The following RBFOX1 variants were observed in gnomAD, a reference collection of about 807,000 sequenced individuals.
RBFOX1 encodes the protein RNA binding protein fox-1 homolog 1.
A neutral mutation model predicts 57.7 loss-of-function variants in RBFOX1; 8 were observed. That is an observed-to-expected ratio of 0.14 (90% CI 0.08 to 0.25). The LOEUF (loss-of-function observed/expected upper bound fraction) is 0.25. Among genes scored for constraint, RBFOX1 ranks in the 10% least tolerant of loss-of-function variants. The pLI, the probability that RBFOX1 is intolerant of heterozygous loss-of-function variation, is 1.00. For missense variants in RBFOX1, 611 were observed against 548.5 expected (o/e 1.11, Z -1.14); for synonymous variants, 326 against 222.4 (o/e 1.47, Z -4.15).
At chr16:5,977,891 GT>G (rs1203526261) in intron 4 of RBFOX1, among the ~76,000 whole-genome samples, 10 of 151,906 alleles carry the variant, frequency 6.6e-5, no homozygotes, top group Non-Finnish European at 1.5e-4. Flanking sequence ...GGCTTAGACA[GT>G]TTTTTTGACT....
intron 2 of RBFOX1, among the ~76,000 whole-genome samples, chr16:5,580,671 C>T (rs1039881606): frequency 2.0e-5 from 3 of 152,158 alleles, no homozygotes; most frequent in Non-Finnish European, 4.4e-5. Context: ...GGAGAGGATG[C>T]AAACGTTACC....
rs75096256 is a variant in RBFOX1 at position 5,934,772 on chromosome 16, G to A, written c.351+67437G>A. Among the ~76,000 whole-genome samples the A allele has an allele frequency of 1.5e-3, 235 of 152,314 alleles. 4 individuals are homozygous for A. In the East Asian group the frequency reaches 0.04, roughly 26 times the overall value. ...AATTAATGTGGGGGACTGACCCACA[G>A]ACCAAGGCTGCACGATGGATGAATA... On this transcript the variant is annotated intron_variant, in intron 4 of 19. Coordinates refer to the RBFOX1 transcript ENST00000641259.
At chr16:7,590,559 G>T (rs556127137) in intron 7 of RBFOX1, among the ~76,000 whole-genome samples, 1 of 151,908 alleles carries the variant, frequency 6.6e-6, no homozygotes, top group Non-Finnish European at 1.5e-5. Flanking sequence ...TACTCCCTAC[G>T]TATATACTTA....
intron 3 of RBFOX1, among the ~76,000 whole-genome samples, chr16:5,855,931 A>G (rs1463380566): frequency 7.0e-6 from 1 of 142,742 alleles, no homozygotes; most frequent in Non-Finnish European, 1.5e-5. Context: ...TTTAATGTAC[A>G]CGTCTTTCAA....
At chr16:5,554,966 G>A (rs955696345) in intron 2 of RBFOX1, among the ~76,000 whole-genome samples, 2 of 152,188 alleles carry the variant, frequency 1.3e-5, no homozygotes, top group African/African-American at 2.4e-5. Context: ...CATGGGGCTT[G>A]AATGGTGTTA....
intron 2 of RBFOX1, among the ~76,000 whole-genome samples, chr16:6,410,848 G>A (rs966782576): frequency 3.9e-5 from 6 of 152,150 alleles, no homozygotes; most frequent in Non-Finnish European, 8.8e-5. Flanking sequence ...GCACCATTCG[G>A]CATAAGTCAC....
At chr16:6,023,298 C>G (rs1166557870) in intron 1 of RBFOX1, among the ~76,000 whole-genome samples, 1 of 151,404 alleles carries the variant, frequency 6.6e-6, no homozygotes, top group African/African-American at 2.4e-5. Context: ...GAACCTGCTC[C>G]TGTAAGGTTT....
chr16:6,720,055 C>G (rs1441464844), intron 3 of RBFOX1, among the ~76,000 whole-genome samples: 1 of 151,960 alleles, frequency 6.6e-6, no homozygotes, highest in Non-Finnish European at 1.5e-5. Flanking sequence ...GATCATGCCA[C>G]TGCACTACAC....
chr16:6,642,828 A>G (rs1049234066), intron 2 of RBFOX1, among the ~76,000 whole-genome samples: 3 of 152,108 alleles, frequency 2.0e-5, no homozygotes, highest in Non-Finnish European at 2.9e-5. Context: ...GATTCCTCCA[A>G]ATGTTTATAA....
intron 2 of RBFOX1, among the ~76,000 whole-genome samples, chr16:6,639,335 G>T (rs889650899): frequency 2.0e-5 from 3 of 152,092 alleles, no homozygotes; most frequent in Non-Finnish European, 2.9e-5. Flanking sequence ...TGTAGTGCTA[G>T]GATCTTTACA....
intron 3 of RBFOX1, among the ~76,000 whole-genome samples, chr16:6,776,726 T>G (rs1206649328): frequency 1.3e-5 from 2 of 152,224 alleles, no homozygotes; most frequent in East Asian, 3.9e-4. Flanking sequence ...TGCTTTGCTG[T>G]GACTGAGCCA....
chr16:6,583,997 C>T (rs1026368197), intron 2 of RBFOX1, among the ~76,000 whole-genome samples: 2 of 117,044 alleles, frequency 1.7e-5, no homozygotes, highest in African/African-American at 2.7e-5. Flanking sequence ...ACGACAACAA[C>T]ATTTAAAAAA....
chr16:6,674,963 T>A (rs888500283), intron 3 of RBFOX1, among the ~76,000 whole-genome samples: 2 of 152,148 alleles, frequency 1.3e-5, no homozygotes, highest in African/African-American at 4.8e-5. Flanking sequence ...TGGAGTGCAG[T>A]GGCATGATCT....
chr16:5,310,503 G>T (rs981131628), intron 1 of RBFOX1, among the ~76,000 whole-genome samples: 25 of 152,166 alleles, frequency 1.6e-4, no homozygotes, highest in Non-Finnish European at 3.4e-4. Flanking sequence ...CAGCATTTCT[G>T]AGTCTCTGTT....
chr16:5,245,386 C>CT (rs1376024872), intron 1 of RBFOX1, among the ~76,000 whole-genome samples: 1 of 152,112 alleles, frequency 6.6e-6, no homozygotes, highest in Non-Finnish European at 1.5e-5. Context: ...GGGTCTGGGG[C>CT]TAGGAAGGCA....
chr16:6,570,056 C>T (rs2097323900), intron 2 of RBFOX1, among the ~76,000 whole-genome samples: 1 of 152,174 alleles, frequency 6.6e-6, no homozygotes, highest in African/African-American at 2.4e-5. Flanking sequence ...ATTTTGTTGT[C>T]ATGCGCTTGA....
intron 3 of RBFOX1, among the ~76,000 whole-genome samples, chr16:5,644,802 T>C (rs2048994033): frequency 6.6e-6 from 1 of 152,264 alleles, no homozygotes; most frequent in Admixed American, 6.5e-5. Flanking sequence ...GATGGACATT[T>C]GGGTTATTTG....
At chr16:6,711,436 T>C (rs1006251415) in intron 3 of RBFOX1, among the ~76,000 whole-genome samples, 1 of 152,198 alleles carries the variant, frequency 6.6e-6, no homozygotes, top group Admixed American at 6.5e-5. Flanking sequence ...AATCTCATCT[T>C]GAATGGTAAT....
intron 2 of RBFOX1, among the ~76,000 whole-genome samples, chr16:5,565,603 C>A (rs916555332): frequency 6.6e-6 from 1 of 150,720 alleles, no homozygotes; most frequent in South Asian, 2.1e-4. Context: ...CCAGCCTGGG[C>A]AATAAGAGCG....
Sources: gnomAD v4.1 joint callset for allele counts (sites outside exome capture counted in the v4.1 genomes callset) on GRCh38, gnomAD v4.1.1 for gene constraint, MANE v1.5 for transcripts, NCBI Gene and HGNC (gene_info 2026-07-23, HGNC 2026-07-21) for gene names.